The following GREB1 variants were observed in gnomAD, a reference collection of about 807,000 sequenced individuals.
GREB1 encodes the protein protein GREB1.
Under a neutral mutation model 200.7 loss-of-function variants are expected in GREB1, and 106 were observed. That is an observed-to-expected ratio of 0.53 (90% CI 0.45 to 0.62). The LOEUF is 0.62. GREB1 is among the 20% of genes least tolerant of loss of function. The pLI, the probability that GREB1 is intolerant of heterozygous loss-of-function variation, is 0.00. For synonymous variants in GREB1, 1,132 were observed against 1,092.4 expected (o/e 1.04, Z -0.72); for missense variants, 2,243 against 2,556.8 (o/e 0.88, Z 2.65).
intron 1 of GREB1, among the ~76,000 whole-genome samples, chr2:11,501,903 TTG>T (rs1491072401): frequency 0.038 from 1,370 of 36,248 alleles, 549 homozygotes; most frequent in Non-Finnish European, 0.05. Context: ...CTGTTTTTTT[TTG>T]TTTTTTTTTT....
intron 23 of GREB1, 120 bp downstream of exon 23, chr2:11,621,127 C>A: frequency 1.4e-6 from 1 of 696,152 alleles, no homozygotes; most frequent in Non-Finnish European, 2.6e-6. Context: ...AGACTCATCC[C>A]AAGGACCTTG....
chr2:11,598,904 T>C, intron 15 of GREB1, 44 bp downstream of exon 15: 1 of 1,512,464 alleles, frequency 6.6e-7, no homozygotes, highest in Non-Finnish European at 9.2e-7. Context: ...TTTCCTTCTT[T>C]GAAGTGATGT....
intron 25 of GREB1, 63 bp downstream of exon 25, chr2:11,627,167 C>G (rs894903244): frequency 2.8e-6 from 4 of 1,430,888 alleles, no homozygotes; most frequent in Non-Finnish European, 3.8e-6. Flanking sequence ...TTCCCCTGCT[C>G]TCTCACGCTT....
intron 1 of GREB1, among the ~76,000 whole-genome samples, chr2:11,550,227 A>G (rs768913866): frequency 6.6e-6 from 1 of 152,182 alleles, no homozygotes; most frequent in Non-Finnish European, 1.5e-5. Context: ...CAAAAATAAT[A>G]ATAATAAATA....
At chr2:11,487,529 G>A (rs1672682623) in intron 1 of GREB1, among the ~76,000 whole-genome samples, 1 of 152,202 alleles carries the variant, frequency 6.6e-6, no homozygotes, top group African/African-American at 2.4e-5. Flanking sequence ...GTTTTCCTGA[G>A]GGAGAGGGTA....
chr2:11,531,015 C>A (rs76247797), upstream of GREB1, among the ~76,000 whole-genome samples: 1 of 152,018 alleles, frequency 6.6e-6, no homozygotes, highest in Non-Finnish European at 1.5e-5. Flanking sequence ...ATTAACCCCC[C>A]CAAAACTAGC....
intron 1 of GREB1, among the ~76,000 whole-genome samples, chr2:11,498,262 A>T (rs1222389615): frequency 2.0e-5 from 3 of 151,686 alleles, no homozygotes; most frequent in Non-Finnish European, 4.4e-5. Context: ...ATCCTTTATG[A>T]GTTAATTTTT....
intron 1 of GREB1, among the ~76,000 whole-genome samples, chr2:11,483,903 G>T (rs529932918): frequency 1.3e-5 from 2 of 152,172 alleles, no homozygotes; most frequent in African/African-American, 4.8e-5. Flanking sequence ...ACTTTTATTA[G>T]AGAGTTAAGT....
At chr2:11,560,274 T>C (rs905304648) in intron 2 of GREB1, among the ~76,000 whole-genome samples, 4 of 152,200 alleles carry the variant, frequency 2.6e-5, no homozygotes, top group African/African-American at 9.7e-5. Context: ...GTCCAATCTC[T>C]TTCTACTACA....
At chr2:11,557,664 A>G (rs553021351) in intron 2 of GREB1, among the ~76,000 whole-genome samples, 1 of 152,284 alleles carries the variant, frequency 6.6e-6, no homozygotes, top group East Asian at 1.9e-4. Flanking sequence ...GTGAGATCTG[A>G]TAGTTGCTTA....
intron 1 of GREB1, among the ~76,000 whole-genome samples, chr2:11,499,810 C>G (rs1469052189): frequency 6.6e-6 from 1 of 152,144 alleles, no homozygotes; most frequent in Non-Finnish European, 1.5e-5. Context: ...GTACATATAA[C>G]TTTGCTGTAG....
intron 6 of GREB1, among the ~76,000 whole-genome samples, chr2:11,578,849 C>T (rs1234617561): frequency 2.0e-5 from 3 of 152,258 alleles, no homozygotes; most frequent in Admixed American, 1.3e-4. Flanking sequence ...TGAAGTCCAA[C>T]AACCACGCTG....
chr2:11,494,478 G>A (rs944220269), intron 1 of GREB1, among the ~76,000 whole-genome samples: 2 of 152,240 alleles, frequency 1.3e-5, no homozygotes, highest in Non-Finnish European at 2.9e-5. Flanking sequence ...GCATTGCTGT[G>A]GACACTGCTC....
chr2:11,616,149 C>T (rs1320635807), intron 20 of GREB1, among the ~76,000 whole-genome samples: 5 of 152,264 alleles, frequency 3.3e-5, no homozygotes, highest in Non-Finnish European at 7.3e-5. Flanking sequence ...CTACCCATAG[C>T]CCGCATTGCA....
rs373517084 is a variant in GREB1 at position 11,564,147 on chromosome 2, C to T, written c.277+1565C>T. Among the ~76,000 whole-genome samples the T allele has an allele frequency of 3.9e-4, 59 of 152,240 alleles. No homozygotes were observed. In the East Asian group the frequency reaches 8.3e-3, roughly 21 times the overall value. ...GGAGGAACTACTAGCAGATTATTTA[C>T]GTAGGGGCCTGAGGTGTGGCAGAGC... On this transcript the variant is annotated intron_variant, in intron 3 of 32. Transcript: ENST00000381486.
chr2:11,556,775 G>C lies in GREB1; in HGVS notation c.157+4G>C. ...CAGCAGCTTGCCGCTCTAGAAGGTG[G>C]GAGACGCACGTTGCTTTTATCTGTG... On this transcript the variant is annotated splice_donor_region_variant and intron_variant, in intron 2 of 32. Transcript: ENST00000381486. 6.2e-7 allele frequency: 1 copy of C among 1,612,736 alleles called. No individual in the cohort carries two copies. The highest frequency in any genetic ancestry group is 8.5e-7 in the Non-Finnish European group (1 of 1,179,308).
In GREB1 at chr2:11,595,241, T is replaced by G. The variant is rs1265052731; in HGVS notation, c.1697-10T>G. 6.2e-7 allele frequency: 1 copy of G among 1,610,010 alleles called. No individual in the cohort carries two copies. The highest frequency in any genetic ancestry group is 1.3e-5 in the African/African-American group (1 of 74,980). Reference sequence around the variant, plus strand: ...TACAATGGGTACTGTGAAATCTGTTTGCTTTCCAGGAAAATACCAAGCCCG... The same window carrying G: ...TACAATGGGTACTGTGAAATCTGTTGGCTTTCCAGGAAAATACCAAGCCCG... On this transcript the variant is annotated splice_polypyrimidine_tract_variant and intron_variant, in intron 11 of 32. Transcript: ENST00000381486.
intron 19 of GREB1, 143 bp downstream of exon 19, chr2:11,612,753 C>T (rs1191363997): frequency 1.0e-5 from 6 of 588,036 alleles, no homozygotes; most frequent in African/African-American, 1.9e-5. Flanking sequence ...GGGCCTTCAT[C>T]GTGGCTTTCC....
At chr2:11,591,260 C>G in intron 10 of GREB1, 2 of 627,568 alleles carry the variant, frequency 3.2e-6, no homozygotes, top group Non-Finnish European at 5.9e-6. Flanking sequence ...TGGCACGGCC[C>G]ACAGAGCAGG....
Sources: allele counts gnomAD v4.1 joint callset (sites outside exome capture counted in the v4.1 genomes callset), GRCh38; gene constraint gnomAD v4.1.1; transcripts MANE v1.5; gene names NCBI Gene and HGNC (gene_info 2026-07-23, HGNC 2026-07-21).